ATXN2: variants seen among roughly 807,000 people sequenced by gnomAD.
ATXN2 encodes ataxin-2.
ATXN2 carries 37 observed loss-of-function variants against 138.6 expected under a neutral mutation model. The observed-to-expected ratio is 0.27, with a 90% CI of 0.21 to 0.35. The LOEUF (loss-of-function observed/expected upper bound fraction) is 0.35. Among genes scored for constraint, ATXN2 ranks in the 10% least tolerant of loss-of-function variants. ATXN2 has a pLI of 1.00. For missense variants in ATXN2, 1,216 were observed against 1,480.3 expected (o/e 0.82, Z 2.93); for synonymous variants, 549 against 543.7 (o/e 1.01, Z -0.13).
At position 111,452,489 on chromosome 12, in the gene ATXN2, T is replaced by C. The variant is rs1874726140; in HGVS notation, c.*323A>G. Reference sequence around the variant, plus strand: ...GCAAGAATCACTCTTGTTACTTCTTTTGCTAGCTGATGTGTTCATGACTTT... The same window carrying C: ...GCAAGAATCACTCTTGTTACTTCTTCTGCTAGCTGATGTGTTCATGACTTT... On this transcript the variant is annotated 3_prime_UTR_variant, in exon 25 of 25. Coordinates refer to ENST00000673436, the MANE Select transcript of ATXN2 (RefSeq NM_001372574.1). 4.5e-6 allele frequency: 1 copy of C among 220,076 alleles called. No homozygotes were observed. The highest frequency in any genetic ancestry group is 5.8e-5 in the Admixed American group (1 of 17,242). 13.6% of individuals were successfully genotyped at this position (220,076 alleles called of 1,614,324 possible). A position where few individuals can be genotyped will look rare whatever the true frequency, so the allele number is the denominator to read the frequency against.
At chr12:111,531,979 CTTAA>C (rs1242182805) in intron 5 of ATXN2, among the ~76,000 whole-genome samples, 1 of 152,174 alleles carries the variant, frequency 6.6e-6, no homozygotes, top group African/African-American at 2.4e-5. Context: ...CATACATGTT[CTTAA>C]TTAAAGCATT....
intron 5 of ATXN2, among the ~76,000 whole-genome samples, chr12:111,533,012 G>A (rs1053386841): frequency 6.6e-6 from 1 of 152,222 alleles, no homozygotes; most frequent in Admixed American, 6.5e-5. Context: ...TAGAGGAACA[G>A]AGAACACTGT....
chr12:111,539,967 A>G lies in ATXN2; in HGVS notation c.571+12313T>C, dbSNP rs554960975. ...AGAATTAGGTTAAGGAAAAGTCAGT[A>G]AAATGAAATTAATTCCAATTCTTAC... On this transcript the variant is annotated intron_variant, in intron 5 of 24. Transcript: ENST00000673436. 3.3e-4 allele frequency among the ~76,000 whole-genome samples: 49 copies of G among 150,500 alleles called. 4 individuals carry two copies. Among genetic ancestry groups the G allele is most frequent in the Non-Finnish European group, 6.4e-4 (43 of 67,090 alleles).
rs141258927 is a variant in ATXN2, at chr12:111,452,573, C to T, written c.*239G>A. The stretch of plus-strand genomic sequence containing the variant: ...TCGGCAAGCAGAGCTGGGGTACCTG[C>T]GGGACTCTGAAACAGCATATGGAAT... On this transcript the variant is annotated 3_prime_UTR_variant, in exon 25 of 25. Coordinates refer to ENST00000673436, the MANE Select transcript of ATXN2 (RefSeq NM_001372574.1). 5.5e-5 allele frequency: 28 copies of T among 513,586 alleles called. No individual in the cohort carries two copies. Among genetic ancestry groups the T allele is most frequent in the Non-Finnish European group, 3.1e-5 (9 of 289,872 alleles). The allele number at this position is 513,586 out of a possible 1,614,324, so 31.8% of individuals were successfully genotyped here.
rs1262033176 is a variant in ATXN2, at chr12:111,507,010, G to A, written c.1935+2539C>T. 6.6e-5 allele frequency among the ~76,000 whole-genome samples: 10 copies of A among 152,142 alleles called. No individual in the cohort carries two copies. The East Asian group carries it at 1.2e-3, about 18-fold the overall frequency. On this transcript the variant is annotated intron_variant, in intron 14 of 24. Coordinates refer to ENST00000673436, the MANE Select transcript of ATXN2 (RefSeq NM_001372574.1). ...GAGTGCAGTGGCGTGATCTCGGCTC[G>A]CTACAACCTCCACCTCCCAGCCACC... is the stretch of plus-strand genomic sequence containing the variant.
intron 14 of ATXN2, among the ~76,000 whole-genome samples, chr12:111,490,405 T>A (rs757328631): frequency 2.0e-5 from 3 of 151,980 alleles, no homozygotes; most frequent in Admixed American, 6.6e-5. Flanking sequence ...GGAGGGACCG[T>A]CATGGAGGCT....
At chr12:111,458,031 A>C (rs1237831276) in intron 21 of ATXN2, 1 of 152,274 alleles carries the variant, frequency 6.6e-6, no homozygotes, top group Non-Finnish European at 1.5e-5. Context: ...TCAAAGGACA[A>C]CATGATGGGC....
At chr12:111,544,274 G>A (rs939694573) in intron 5 of ATXN2, among the ~76,000 whole-genome samples, 19 of 152,112 alleles carry the variant, frequency 1.2e-4, no homozygotes, top group African/African-American at 4.6e-4. Context: ...ACATCCCAGA[G>A]CTCTCTAAGT....
At chr12:111,456,473 A>T (rs893302039) in intron 22 of ATXN2, among the ~76,000 whole-genome samples, 1 of 152,204 alleles carries the variant, frequency 6.6e-6, no homozygotes, top group Admixed American at 6.5e-5. Flanking sequence ...TCTGGCAGTT[A>T]GAAACTTCTG....
At chr12:111,584,461 A>T (rs1210033790) in intron 1 of ATXN2, among the ~76,000 whole-genome samples, 1 of 150,304 alleles carries the variant, frequency 6.7e-6, no homozygotes, top group African/African-American at 2.4e-5. Flanking sequence ...TCCATAGGCA[A>T]TGTGCCCAGA....
intron 15 of ATXN2, 26 bp downstream of exon 15, chr12:111,488,446 CAGGA>C (rs1240238701): frequency 6.4e-7 from 1 of 1,567,222 alleles, no homozygotes. Context: ...AATTGAGTAA[CAGGA>C]TGGTCTAAGT....
rs762538544 is a variant in ATXN2 at position 111,541,522 on chromosome 12, T to A, written c.571+10758A>T. Among the ~76,000 whole-genome samples, 55 of 148,306 alleles carry A rather than the reference T, an allele frequency of 3.7e-4. 1 individual carries two copies. Among genetic ancestry groups the A allele is most frequent in the Non-Finnish European group, 1.7e-4 (11 of 66,262 alleles). On this transcript the variant is annotated intron_variant, in intron 5 of 24. Coordinates refer to ENST00000673436, the MANE Select transcript of ATXN2 (RefSeq NM_001372574.1). ...ATGCGCCACCATGACCGGCTAATTT[T>A]GTATTTTTAGTAGAGACGGGGTTTC...
At position 111,598,976 on chromosome 12, in the gene ATXN2, TGTTGCTGCTGCTGCTGCTGCTGCTGCTGC is replaced by T. The variant is rs756277324; in HGVS notation, c.30_58del (p.Gln11AlafsTer69). ...CTGCTGCTGCTGCTGCTGCTGCTGC[TGTTGCTGCTGCTGCTGCTGCTGCTGCTGC>T]TGCTGCTGCTGCTGGGGCTTCAGCG... On this transcript the variant is annotated frameshift_variant, in exon 1 of 25. Coordinates refer to ENST00000673436, the MANE Select transcript of ATXN2 (RefSeq NM_001372574.1). LOFTEE classifies it high-confidence loss of function. The surrounding 1 kb of genome is among the most constrained non-coding windows in gnomAD (Gnocchi z 4.5). 1.4e-4 allele frequency: 196 copies of T among 1,433,322 alleles called. No homozygotes were observed. The highest frequency in any genetic ancestry group is 9.6e-4 in the Middle Eastern group (4 of 4,188). The allele number at this position is 1,433,322 out of a possible 1,614,324, so 88.8% of individuals were successfully genotyped here.
chr12:111,479,236 A>T (rs1877039295), intron 18 of ATXN2: 3 of 275,164 alleles, frequency 1.1e-5, no homozygotes, highest in Non-Finnish European at 2.0e-5. Flanking sequence ...TAATCATAAA[A>T]TGAAATGCTA....
Position 111,488,791 on chromosome 12 carries a change from G to A in ATXN2, c.1936-11C>T. On this transcript the variant is annotated splice_polypyrimidine_tract_variant and intron_variant, in intron 14 of 24. Coordinates refer to ENST00000673436, the MANE Select transcript of ATXN2 (RefSeq NM_001372574.1). Reference sequence around the variant, plus strand: ...AGAACTTGGCTGTAACTAAATAAAGGAAACAATTATACTTAAATATCTTAA... The same window carrying A: ...AGAACTTGGCTGTAACTAAATAAAGAAAACAATTATACTTAAATATCTTAA... 6.3e-7 allele frequency: 1 copy of A among 1,577,750 alleles called. No homozygotes were observed. Among genetic ancestry groups the A allele is most frequent in the Middle Eastern group, 1.7e-4 (1 of 5,922 alleles).
At chr12:111,464,337 G>T (rs1229318822) in intron 21 of ATXN2, among the ~76,000 whole-genome samples, 1 of 107,140 alleles carries the variant, frequency 9.3e-6, no homozygotes, top group Non-Finnish European at 1.6e-5. Context: ...GTGTGTGTTT[G>T]TGTGTGTGTG....
chr12:111,590,047 T>TA (rs139062368), intron 1 of ATXN2, among the ~76,000 whole-genome samples: 12 of 141,876 alleles, frequency 8.5e-5, no homozygotes, highest in South Asian at 2.3e-4. Context: ...CCATCTCTAC[T>TA]AAAAAAAAAT....
intron 5 of ATXN2, among the ~76,000 whole-genome samples, chr12:111,547,256 G>A (rs539446808): frequency 7.9e-5 from 12 of 152,080 alleles, no homozygotes; most frequent in Admixed American, 3.3e-4. Context: ...GTGAAACCCC[G>A]TCTCTACTAA....
intron 21 of ATXN2, among the ~76,000 whole-genome samples, chr12:111,464,357 G>GTGTGTT (rs1875842637): frequency 1.4e-5 from 2 of 142,672 alleles, no homozygotes; most frequent in Non-Finnish European, 1.5e-5. Flanking sequence ...GTGTGTGTGT[G>GTGTGTT]TGTGTGTGTG....
Sources: gnomAD v4.1 joint callset for allele counts (sites outside exome capture counted in the v4.1 genomes callset) on GRCh38, gnomAD v4.1.1 for gene constraint, Gnocchi (gnomAD v3.1) non-coding constraint, MANE v1.5 for transcripts, NCBI Gene and HGNC (gene_info 2026-07-23, HGNC 2026-07-21) for gene names.